IRF9: variants seen among roughly 807,000 people sequenced by gnomAD.
IRF9 encodes the protein IFN-alpha-responsive transcription factor subunit.
In IRF9, 13 loss-of-function variants were observed where a neutral mutation model predicts 44.1. The observed-to-expected ratio is 0.29, with a 90% CI of 0.19 to 0.47. IRF9 has a LOEUF of 0.47. Among genes scored for constraint, IRF9 ranks in the 20% least tolerant of loss-of-function variants. IRF9 has a pLI of 1.00. For missense variants in IRF9, 373 were observed against 496.1 expected, an observed-to-expected ratio of 0.75 and a Z score of 2.36; for synonymous variants, 189 against 188.5, an observed-to-expected ratio of 1.00 and a Z score of -0.02.
rs563764367 is a variant in IRF9 at position 24,163,739 on chromosome 14, G to A, written c.496-139G>A. 24 of 962,878 alleles carry A rather than the reference G, an allele frequency of 2.5e-5. No homozygotes were observed. In the East Asian group the frequency reaches 3.4e-4, roughly 14 times the overall value. 59.6% of individuals were successfully genotyped at this position (962,878 alleles called of 1,614,324 possible). On this transcript the variant is annotated intron_variant, in intron 4 of 8. Transcript: ENST00000396864. ...TGTAATCCCAGCTACTCAGGAGGCCGAGGCAGGAGAATCGCTTGAACCGGG... is the reference window on the plus strand; with the variant it reads ...TGTAATCCCAGCTACTCAGGAGGCCAAGGCAGGAGAATCGCTTGAACCGGG...
chr14:24,166,354 G>A lies in IRF9; in HGVS notation c.*158G>A. The A allele has an allele frequency of 7.6e-6, 5 of 660,748 alleles. No individual in the cohort carries two copies. Among genetic ancestry groups the A allele is most frequent in the South Asian group, 1.9e-5 (1 of 53,962 alleles). 40.9% of individuals were successfully genotyped at this position (660,748 alleles called of 1,614,324 possible). ...AAAATCCTCGCACACACTGGCTGGTGGAGAACTCAAGGCTAATTTTTTATC... is the reference window on the plus strand; with the variant it reads ...AAAATCCTCGCACACACTGGCTGGTAGAGAACTCAAGGCTAATTTTTTATC... On this transcript the variant is annotated 3_prime_UTR_variant, in exon 9 of 9. Coordinates refer to ENST00000396864, the MANE Select transcript of IRF9 (RefSeq NM_006084.5).
rs1156335534 is a variant in IRF9 at position 24,163,388 on chromosome 14, G to A, written c.375G>A (p.Gly125=). The A allele has an allele frequency of 6.2e-7, 1 of 1,613,828 alleles. No homozygotes were observed. Among genetic ancestry groups the A allele is most frequent in the Non-Finnish European group, 8.5e-7 (1 of 1,179,888 alleles). ...TCAACAATTCCACAGGCCAGCCAGG[G>A]ACTCAGAAAGTACCATCAAAGCGAC... ...LPPGIVSGQP[G]TQKVPSKRQH... Residue 125 remains glycine (G), a synonymous_variant, in exon 4 of 9, where the codon GGG becomes GGA. Transcript: ENST00000396864.
At position 24,164,199 on chromosome 14, in the gene IRF9, C is replaced by T; in HGVS notation, c.649+65C>T. 2 of 1,307,330 alleles carry T rather than the reference C, an allele frequency of 1.5e-6. No individual in the cohort carries two copies. Among genetic ancestry groups the T allele is most frequent in the Non-Finnish European group, 2.2e-6 (2 of 901,492 alleles). 81.0% of individuals were successfully genotyped at this position (1,307,330 alleles called of 1,614,324 possible). A position where few individuals can be genotyped will look rare whatever the true frequency, so the allele number is the denominator to read the frequency against. On this transcript the variant is annotated intron_variant, in intron 6 of 8. Transcript: ENST00000396864. The surrounding 1 kb of genome is among the most constrained non-coding windows in gnomAD (Gnocchi z 5.2). ...CTGAGGTCTTCCACCTTTGACTATG[C>T]ATGCATTATCTAGTCAGTCAGGGCT...
chr14:24,163,374 A>G lies in IRF9; in HGVS notation c.365-4A>G. 6.2e-7 allele frequency: 1 copy of G among 1,613,104 alleles called. No homozygotes were observed. The highest frequency in any genetic ancestry group is 8.5e-7 in the Non-Finnish European group (1 of 1,179,366). On this transcript the variant is annotated splice_region_variant and splice_polypyrimidine_tract_variant and intron_variant, in intron 3 of 8. Transcript: ENST00000396864. ...CCTTTCTCTGTCCCTCAACAATTCC[A>G]CAGGCCAGCCAGGGACTCAGAAAGT...
At chr14:24,165,472 G>C in intron 7 of IRF9, 1 of 547,898 alleles carries the variant, frequency 1.8e-6, no homozygotes, top group South Asian at 2.0e-5. Context: ...TGTACAGGGG[G>C]TGCAGAGTGT....
At position 24,164,126 on chromosome 14, in the gene IRF9, C is replaced by T. The variant is rs200167126; in HGVS notation, c.641C>T (p.Pro214Leu). ...AGGTCCCTGGAGTTTCTGCTTCCTC[C>T]AGAGCCAGGTACGTGGCATTTCTGA... ...DQRSLEFLLPPEPDYSLLLTF... is the reference protein window; with the variant it reads ...DQRSLEFLLPLEPDYSLLLTF... Residue 214 changes from proline (P) to leucine (L), a missense_variant, in exon 6 of 9, where the codon CCA (proline) becomes CTA (leucine). Physicochemically the swap from Pro to Leu is moderately conservative, Grantham distance 98. Transcript: ENST00000396864. This position sits in a 1 kb window ranked among gnomAD's most constrained non-coding sequence, Gnocchi z 5.2. 145 of 1,614,090 alleles carry T rather than the reference C, an allele frequency of 9.0e-5. No individual in the cohort carries two copies. The highest frequency in any genetic ancestry group is 1.1e-4 in the Non-Finnish European group (135 of 1,179,950).
chr14:24,166,428 G>T lies in IRF9; in HGVS notation c.*232G>T. ...TATACGCCCTCTTTCATCTGTAAGG[G>T]ACTAGGAAATTCCAAATGGTGTGAA... On this transcript the variant is annotated 3_prime_UTR_variant, in exon 9 of 9. Coordinates refer to ENST00000396864, the MANE Select transcript of IRF9 (RefSeq NM_006084.5). The T allele has an allele frequency of 1.7e-6, 1 of 574,328 alleles. No individual in the cohort carries two copies. Among genetic ancestry groups the T allele is most frequent in the South Asian group, 2.3e-5 (1 of 43,376 alleles). 35.6% of individuals were successfully genotyped at this position (574,328 alleles called of 1,614,324 possible).
At position 24,163,044 on chromosome 14, in the gene IRF9, G is replaced by T. The variant is rs2038479545; in HGVS notation, c.259G>T (p.Ala87Ser). 4.3e-6 allele frequency: 7 copies of T among 1,614,136 alleles called. No homozygotes were observed. The highest frequency in any genetic ancestry group is 5.9e-6 in the Non-Finnish European group (7 of 1,180,024). The change falls in exon 3 of 9, where the codon GCA (alanine) becomes TCA (serine). Residue 87 changes from alanine (A) to serine (S), a missense_variant. Transcript: ENST00000396864. ...TGTCTGGAAGACTCGCCTGCGCTGT[G>T]CACTCAACAAGAGTTCTGAATTTAA... is the stretch of plus-strand genomic sequence containing the variant. ...PAVWKTRLRC[A>S]LNKSSEFKEV...
intron 7 of IRF9, chr14:24,165,398 C>T (rs2038510956): frequency 1.7e-6 from 1 of 597,912 alleles, no homozygotes; most frequent in African/African-American, 1.9e-5. Context: ...TAGGGTTGCG[C>T]TTCTCTCCCA....
chr14:24,166,206 G>T lies in IRF9; in HGVS notation c.*10G>T. 1 of 1,612,660 alleles carries T rather than the reference G, an allele frequency of 6.2e-7. No individual in the cohort carries two copies. The highest frequency in any genetic ancestry group is 8.5e-7 in the Non-Finnish European group (1 of 1,179,074). ...TCTGTCCCTGGTGTAGAGCCTGGGG[G>T]ACCCATCTTCCACCTCACCTCTTTG... On this transcript the variant is annotated 3_prime_UTR_variant, in exon 9 of 9. Coordinates refer to ENST00000396864, the MANE Select transcript of IRF9 (RefSeq NM_006084.5).
chr14:24,162,295 C>G lies in IRF9; in HGVS notation c.151C>G (p.Arg51Gly). ...PWKHAGKQDF[R>G]EDQDAAFFKA... ...GAAACATGCAGGCAAGCAGGACTTC[C>G]GGGAGGACCAGGATGCTGCCTTCTT... Residue 51 changes from arginine to glycine, a missense_variant, in exon 2 of 9, where the codon CGG (arginine) becomes GGG (glycine). Coordinates refer to ENST00000396864, the MANE Select transcript of IRF9 (RefSeq NM_006084.5). The G allele has an allele frequency of 6.2e-7, 1 of 1,614,054 alleles. No homozygotes were observed. The highest frequency in any genetic ancestry group is 8.5e-7 in the Non-Finnish European group (1 of 1,179,972).
chr14:24,162,413 G>A (rs745661136), intron 2 of IRF9, 89 bp downstream of exon 2: 25 of 1,308,560 alleles, frequency 1.9e-5, no homozygotes, highest in Middle Eastern at 2.0e-4. Context: ...GCGTCTGCCT[G>A]GGTTTCAGAT....
In IRF9 at chr14:24,164,979, A is replaced by T. The variant is rs1471735096; in HGVS notation, c.991+24A>T. ...AGGTGAGGCTGTTCTCTCTGGGCAC[A>T]TGAGCTTCCACCCCCTACCTCTTAG... On this transcript the variant is annotated intron_variant, in intron 7 of 8. Coordinates refer to ENST00000396864, the MANE Select transcript of IRF9 (RefSeq NM_006084.5). This position sits in a 1 kb window ranked among gnomAD's most constrained non-coding sequence, Gnocchi z 5.2. The T allele has an allele frequency of 6.2e-7, 1 of 1,606,928 alleles. No homozygotes were observed.
intron 7 of IRF9, chr14:24,165,479 G>A: frequency 1.8e-6 from 1 of 544,266 alleles, no homozygotes; most frequent in South Asian, 2.1e-5. Flanking sequence ...GGGGTGCAGA[G>A]TGTGGGTGTT....
rs770215057 is a variant in IRF9 at position 24,166,208 on chromosome 14, C to A, written c.*12C>A. The A allele has an allele frequency of 6.2e-7, 1 of 1,612,256 alleles. No homozygotes were observed. The highest frequency in any genetic ancestry group is 8.5e-7 in the Non-Finnish European group (1 of 1,178,804). ...TGTCCCTGGTGTAGAGCCTGGGGGA[C>A]CCATCTTCCACCTCACCTCTTTGTT... On this transcript the variant is annotated 3_prime_UTR_variant, in exon 9 of 9. Transcript: ENST00000396864.
Position 24,166,200 on chromosome 14 carries a change from C to T in IRF9, c.*4C>T, listed in dbSNP as rs150652707. On this transcript the variant is annotated 3_prime_UTR_variant, in exon 9 of 9. Coordinates refer to ENST00000396864, the MANE Select transcript of IRF9 (RefSeq NM_006084.5). Reference sequence around the variant, plus strand: ...AGCCATTCTGTCCCTGGTGTAGAGCCTGGGGGACCCATCTTCCACCTCACC... The same window carrying T: ...AGCCATTCTGTCCCTGGTGTAGAGCTTGGGGGACCCATCTTCCACCTCACC... 2.5e-4 allele frequency: 407 copies of T among 1,611,804 alleles called. 2 individuals are homozygous for T. In the African/African-American group the frequency reaches 4.7e-3, roughly 18 times the overall value.
chr14:24,163,252 CT>C, intron 3 of IRF9, 103 bp downstream of exon 3: 1 of 1,544,346 alleles, frequency 6.5e-7, no homozygotes. Flanking sequence ...TGTCCATGCC[CT>C]TGGGGGGCTG....
intron 2 of IRF9, 86 bp downstream of exon 2, chr14:24,162,410 C>T: frequency 7.4e-7 from 1 of 1,347,868 alleles, no homozygotes; most frequent in Non-Finnish European, 1.0e-6. Context: ...CTTGCGTCTG[C>T]CTGGGTTTCA....
intron 4 of IRF9, 113 bp downstream of exon 4, chr14:24,163,621 G>A: frequency 7.8e-7 from 1 of 1,282,836 alleles, no homozygotes; most frequent in Non-Finnish European, 1.1e-6. Context: ...CAGATCACGT[G>A]AGGTCAGAAG....
Sources: allele counts gnomAD v4.1 joint callset, GRCh38; gene constraint gnomAD v4.1.1; non-coding constraint Gnocchi (gnomAD v3.1); transcripts MANE v1.5; gene names NCBI Gene and HGNC (gene_info 2026-07-23, HGNC 2026-07-21).